RPL19: variants seen among roughly 807,000 people sequenced by gnomAD.
RPL19 encodes the protein ribosomal protein L19.
Under a neutral mutation model 25.1 loss-of-function variants are expected in RPL19, and 2 were observed. The observed-to-expected ratio is 0.08, with a 90% CI of 0.03 to 0.25. RPL19 has a LOEUF of 0.25. Among genes scored for constraint, RPL19 ranks in the 10% least tolerant of loss-of-function variants. The pLI, the probability that RPL19 is intolerant of heterozygous loss-of-function variation, is 1.00. For missense variants in RPL19, 123 were observed against 271.8 expected (o/e 0.45, Z 3.85); for synonymous variants, 89 against 91.2 (o/e 0.98, Z 0.14).
In RPL19 at chr17:39,201,445, G is replaced by T. The variant is rs1415323237; in HGVS notation, c.112+126G>T. On this transcript the variant is annotated intron_variant, in intron 2 of 5. Transcript: ENST00000225430. The stretch of plus-strand genomic sequence containing the variant: ...CAGTCTTGCTCTGTTGTCCAGGCTG[G>T]AGTGTAGTGGTGCCATCTGATCATT... 3 of 634,132 alleles carry T rather than the reference G, an allele frequency of 4.7e-6. No homozygotes were observed. In the African/African-American group the frequency reaches 5.5e-5, roughly 12 times the overall value. 39.3% of individuals were successfully genotyped at this position (634,132 alleles called of 1,614,324 possible).
chr17:39,203,910 A>G (rs1288655113), intron 4 of RPL19, among the ~76,000 whole-genome samples, 167 bp from the exon 5 acceptor site: 3 of 152,154 alleles, frequency 2.0e-5, no homozygotes, highest in Non-Finnish European at 4.4e-5. Flanking sequence ...GGCAAGTTCT[A>G]TCTAGGAACT....
At chr17:39,200,374 G>T (rs1208014489) in intron 1 of RPL19, 25 bp downstream of exon 1, 2 of 1,558,400 alleles carry the variant, frequency 1.3e-6, no homozygotes, top group East Asian at 4.8e-5. Context: ...GTCTCCATCA[G>T]GCGCTGACGC....
At chr17:39,201,136 G>A (rs759270960) in intron 1 of RPL19, 77 bp from the exon 2 acceptor site, 6 of 924,988 alleles carry the variant, frequency 6.5e-6, no homozygotes, top group South Asian at 1.4e-5. Flanking sequence ...GGGTCACAAA[G>A]GGCAGGTCTT....
At chr17:39,201,115 G>A (rs1317485415) in intron 1 of RPL19, 98 bp from the exon 2 acceptor site, 3 of 776,856 alleles carry the variant, frequency 3.9e-6, no homozygotes, top group South Asian at 1.6e-5. Context: ...CTTATTTCGC[G>A]GCTGTGGTGT....
intron 4 of RPL19, among the ~76,000 whole-genome samples, chr17:39,203,626 A>G (rs2046305442): frequency 6.6e-6 from 1 of 151,696 alleles, no homozygotes; most frequent in South Asian, 2.1e-4. Context: ...CACCTGCCTC[A>G]CCGTCTCAAG....
At chr17:39,201,887 C>T (rs1317450844) in intron 2 of RPL19, among the ~76,000 whole-genome samples, 1 of 152,146 alleles carries the variant, frequency 6.6e-6, no homozygotes, top group African/African-American at 2.4e-5. Flanking sequence ...TGACTTGTTA[C>T]AAACCTAGGA....
At position 39,204,059 on chromosome 17, in the gene RPL19, A is replaced by G. The variant is rs367878718; in HGVS notation, c.357-18A>G. On this transcript the variant is annotated intron_variant, in intron 4 of 5. Transcript: ENST00000225430. ...ATCCATCACCAACCAGCATCTCTTCACTCCGTGTACCCTGCAGGTATCACA... is the reference window on the plus strand; with the variant it reads ...ATCCATCACCAACCAGCATCTCTTCGCTCCGTGTACCCTGCAGGTATCACA... 6 of 1,442,134 alleles carry G rather than the reference A, an allele frequency of 4.2e-6. No individual in the cohort carries two copies. The highest frequency in any genetic ancestry group is 3.4e-5 in the Admixed American group (2 of 59,642). 89.3% of individuals were successfully genotyped at this position (1,442,134 alleles called of 1,614,324 possible). A position where few individuals can be genotyped will look rare whatever the true frequency, so the allele number is the denominator to read the frequency against.
In RPL19 at chr17:39,204,617, C is replaced by T. The variant is rs770476416; in HGVS notation, c.560C>T (p.Thr187Ile). 15 of 1,614,034 alleles carry T rather than the reference C, an allele frequency of 9.3e-6. No individual in the cohort carries two copies. In the African/African-American group the frequency reaches 1.5e-4, roughly 16 times the overall value. ...LQAKKEEIIK[T>I]LSKEEETKK ...GCCAAGAAGGAGGAGATCATCAAGA[C>T]TTTATCCAAGGAGGAAGAGACCAAG... Residue 187 changes from threonine (T) to isoleucine (I), a missense_variant, in exon 6 of 6, where the codon ACT becomes ATT. Physicochemically the swap from Thr to Ile is moderately conservative, Grantham distance 89. Transcript: ENST00000225430.
At chr17:39,203,969 G>A (rs528449232) in intron 4 of RPL19, 108 bp from the exon 5 acceptor site, 37 of 660,596 alleles carry the variant, frequency 5.6e-5, no homozygotes, top group Non-Finnish European at 8.8e-5. Flanking sequence ...AGCAATAGGA[G>A]AAAAGAAAGG....
In RPL19 at chr17:39,200,337, C is replaced by A; in HGVS notation, c.-8C>A. 6.4e-7 allele frequency: 1 copy of A among 1,560,042 alleles called. No homozygotes were observed. Among genetic ancestry groups the A allele is most frequent in the Non-Finnish European group, 8.7e-7 (1 of 1,155,384 alleles). On this transcript the variant is annotated 5_prime_UTR_variant, in exon 1 of 6. Transcript: ENST00000225430. Reference sequence around the variant, plus strand: ...GAGCTCTTTCCTTTCGCTGCTGCGGCCGCAGCCATGAGGTGAGGGCGAGCT... The same window carrying A: ...GAGCTCTTTCCTTTCGCTGCTGCGGACGCAGCCATGAGGTGAGGGCGAGCT...
rs751683550 is a variant in RPL19, at chr17:39,202,747, A to ACCCACATTT, written c.236-234_236-233insTCCCACATT. On this transcript the variant is annotated intron_variant, in intron 3 of 5. Transcript: ENST00000225430. Reference sequence around the variant, plus strand: ...GTTGCCTTGGTGCACTGCCTGTTACACCCACATTCTGCATGAAGTGAATGG... The same window carrying ACCCACATTT: ...GTTGCCTTGGTGCACTGCCTGTTACACCCACATTTCCCACATTCTGCATGAAGTGAATGG... 398 of 535,418 alleles carry ACCCACATTT rather than the reference A, an allele frequency of 7.4e-4. 1 individual carries two copies. The highest frequency in any genetic ancestry group is 1.0e-3 in the Non-Finnish European group (313 of 305,654). 33.2% of individuals were successfully genotyped at this position (535,418 alleles called of 1,614,324 possible).
intron 5 of RPL19, 118 bp downstream of exon 5, chr17:39,204,305 C>A: frequency 2.4e-6 from 2 of 827,828 alleles, no homozygotes; most frequent in South Asian, 1.5e-5. Context: ...CTTAGGAATA[C>A]AGCTGTTCCC....
Position 39,202,450 on chromosome 17 carries a change from T to G in RPL19, c.235+11T>G, listed in dbSNP as rs771630390. 1.2e-6 allele frequency: 2 copies of G among 1,614,106 alleles called. No homozygotes were observed. Among genetic ancestry groups the G allele is most frequent in the Non-Finnish European group, 1.7e-6 (2 of 1,179,978 alleles). ...GGCACATGGGCATAGGTAAGTGTGG[T>G]CATCTTCTCCTTAAGAAATGATAGG... On this transcript the variant is annotated intron_variant, in intron 3 of 5. Coordinates refer to ENST00000225430, the MANE Select transcript of RPL19 (RefSeq NM_000981.4).
intron 2 of RPL19, among the ~76,000 whole-genome samples, chr17:39,201,891 C>T (rs2046293121): frequency 6.6e-6 from 1 of 152,118 alleles, no homozygotes; most frequent in Admixed American, 6.6e-5. Context: ...TTGTTACAAA[C>T]CTAGGAAAGT....
intron 5 of RPL19, 114 bp from the exon 6 acceptor site, chr17:39,204,411 C>G: frequency 7.6e-7 from 1 of 1,323,138 alleles, no homozygotes; most frequent in Non-Finnish European, 1.1e-6. Flanking sequence ...GTGGGCCCAG[C>G]AACTCATTCC....
intron 1 of RPL19, chr17:39,200,556 A>G: frequency 7.7e-7 from 1 of 1,297,224 alleles, no homozygotes; most frequent in Non-Finnish European, 9.8e-7. Context: ...GACCAGGAAA[A>G]GTCTGCCCCG....
At chr17:39,200,824 T>TAA in intron 1 of RPL19, 1 of 955,584 alleles carries the variant, frequency 1.0e-6, no homozygotes, top group Non-Finnish European at 1.3e-6. Context: ...CGAGGCTTGT[T>TAA]ACTGTGATAA....
At chr17:39,203,199 T>TTTTTA (rs2046302827) in intron 4 of RPL19, 90 bp downstream of exon 4, 1 of 1,124,222 alleles carries the variant, frequency 8.9e-7, no homozygotes, top group Non-Finnish European at 1.3e-6. Context: ...TTTTTTTTTT[T>TTTTTA]GAGATGGAGT....
intron 2 of RPL19, 92 bp from the exon 3 acceptor site, chr17:39,202,225 A>C: frequency 6.6e-7 from 1 of 1,508,230 alleles, no homozygotes; most frequent in Non-Finnish European, 9.1e-7. Flanking sequence ...CGTGGGGCCA[A>C]GAATGTGAGC....
Sources: allele counts gnomAD v4.1 joint callset (sites outside exome capture counted in the v4.1 genomes callset), GRCh38; gene constraint gnomAD v4.1.1; transcripts MANE v1.5; gene names NCBI Gene and HGNC (gene_info 2026-07-23, HGNC 2026-07-21).